PAQR3: variants seen among roughly 807,000 people sequenced by gnomAD.
PAQR3 encodes the protein progestin and adipoQ receptor family member 3.
PAQR3 carries 39 observed loss-of-function variants against 41.7 expected under a neutral mutation model. The observed-to-expected ratio is 0.93, with a 90% CI of 0.72 to 1.22. The LOEUF is 1.22. Ranked by LOEUF, PAQR3 falls within the 50% of genes most tolerant of loss-of-function variation. PAQR3 has a pLI of 0.00. For synonymous variants in PAQR3, 140 were observed against 140.6 expected, an observed-to-expected ratio of 1.00 and a Z score of 0.03; for missense variants, 366 against 385.6, an observed-to-expected ratio of 0.95 and a Z score of 0.42.
rs1030534749 is a variant in PAQR3 at position 78,920,766 on chromosome 4, G to A, written c.794-85C>T. 18 of 1,429,094 alleles carry A rather than the reference G, an allele frequency of 1.3e-5. 1 individual carries two copies. In the South Asian group the frequency reaches 2.6e-4, roughly 21 times the overall value. 88.5% of individuals were successfully genotyped at this position (1,429,094 alleles called of 1,614,324 possible). ...ATATATTTCTTGGAAGTATAGCTTA[G>A]CAGAAAAATTTTCATAGTCTCAGAG... On this transcript the variant is annotated intron_variant, in intron 5 of 5. Coordinates refer to ENST00000512733, the MANE Select transcript of PAQR3 (RefSeq NM_001040202.2).
chr4:78,901,241 T>G (rs886804539), intron 11 of PAQR3, among the ~76,000 whole-genome samples: 5 of 149,988 alleles, frequency 3.3e-5, no homozygotes, highest in South Asian at 4.2e-4. Flanking sequence ...TTTTTTTTTT[T>G]GTAGAGACTA....
At chr4:78,898,705 A>G (rs1011005851) in intron 11 of PAQR3, 12 of 151,764 alleles carry the variant, frequency 7.9e-5, no homozygotes, top group African/African-American at 2.9e-4. Context: ...CTGCAACAAA[A>G]TGACTACAGA....
chr4:78,928,105 T>C (rs1736431452), intron 3 of PAQR3, among the ~76,000 whole-genome samples: 1 of 152,236 alleles, frequency 6.6e-6, no homozygotes, highest in Non-Finnish European at 1.5e-5. Flanking sequence ...CTTTTAGTTT[T>C]TCTGGTAAGA....
At chr4:78,901,854 T>C (rs1734025009) in intron 11 of PAQR3, among the ~76,000 whole-genome samples, 1 of 152,218 alleles carries the variant, frequency 6.6e-6, no homozygotes, top group African/African-American at 2.4e-5. Context: ...TTAGATTTCT[T>C]ATATTGCATT....
intron 11 of PAQR3, among the ~76,000 whole-genome samples, chr4:78,904,224 G>C (rs1734169181): frequency 6.6e-6 from 1 of 151,886 alleles, no homozygotes; most frequent in South Asian, 2.1e-4. Context: ...TGGTTAATAA[G>C]ATTGAAGAGA....
chr4:78,908,140 T>C (rs1341402816), downstream of PAQR3, among the ~76,000 whole-genome samples: 1 of 152,212 alleles, frequency 6.6e-6, no homozygotes, highest in African/African-American at 2.4e-5. Context: ...AGCATGTAGC[T>C]CTTGGCTGGT....
At chr4:78,932,363 C>T (rs1736991391) in intron 2 of PAQR3, among the ~76,000 whole-genome samples, 1 of 152,056 alleles carries the variant, frequency 6.6e-6, no homozygotes, top group Non-Finnish European at 1.5e-5. Context: ...ATCAGGAGAA[C>T]ATAAAAGTGT....
intron 4 of PAQR3, among the ~76,000 whole-genome samples, 158 bp from the exon 5 acceptor site, chr4:78,924,105 CT>C (rs1176130204): frequency 6.6e-6 from 1 of 152,096 alleles, no homozygotes; most frequent in Non-Finnish European, 1.5e-5. Flanking sequence ...AGGAAGCAGC[CT>C]GCAAGAATGG....
At chr4:78,911,814 C>T (rs754236974), downstream of PAQR3, 10 of 1,613,796 alleles carry the variant, frequency 6.2e-6, no homozygotes, top group Admixed American at 3.3e-5. Context: ...AGGGCCTGAG[C>T]GACATCCGTG....
chr4:78,906,211 C>A (rs914741025), intron 10 of PAQR3: 3 of 152,046 alleles, frequency 2.0e-5, no homozygotes, highest in African/African-American at 4.8e-5. Flanking sequence ...TTTCAGAGAG[C>A]CTCATTACTG....
downstream of PAQR3, chr4:78,910,937 A>G (rs193235646): frequency 1.3e-5 from 21 of 1,613,820 alleles, no homozygotes; most frequent in Non-Finnish European, 1.8e-5. Context: ...GAGGAAGAAG[A>G]GGAGAAACAT....
At chr4:78,909,191 A>G (rs575461533), downstream of PAQR3, among the ~76,000 whole-genome samples, 1 of 151,126 alleles carries the variant, frequency 6.6e-6, no homozygotes, top group Non-Finnish European at 1.5e-5. Flanking sequence ...GCACCTGCCA[A>G]CATGCCTGGC....
Position 78,911,884 on chromosome 4 carries a change from C to A in PAQR3, c.*8655G>T. 1 of 1,613,938 alleles carries A rather than the reference C, an allele frequency of 6.2e-7. No individual in the cohort carries two copies. Among genetic ancestry groups the A allele is most frequent in the Non-Finnish European group, 8.5e-7 (1 of 1,179,882 alleles). ...ACAAAATTCACTACATGGGTCATTC[C>A]ATAGTGCAGATGTATTGAAAATGGA... On this transcript the variant is annotated 3_prime_UTR_variant, in exon 6 of 6. Transcript: ENST00000512733.
At chr4:78,907,149 A>T (rs944442117), downstream of PAQR3, among the ~76,000 whole-genome samples, 3 of 152,196 alleles carry the variant, frequency 2.0e-5, no homozygotes, top group African/African-American at 4.8e-5. Context: ...TCATATTTCT[A>T]TCAGAATAAA....
downstream of PAQR3, among the ~76,000 whole-genome samples, chr4:78,908,083 G>A (rs1260744910): frequency 6.6e-6 from 1 of 151,926 alleles, no homozygotes; most frequent in Non-Finnish European, 1.5e-5. Flanking sequence ...AGTCAAACTT[G>A]AGAATCTGCA....
chr4:78,887,233 A>G, exon 13 of PAQR3: 1 of 1,611,956 alleles, frequency 6.2e-7, no homozygotes, highest in South Asian at 1.1e-5. Flanking sequence ...TGCTCCACAT[A>G]ACCATCCTCC....
Position 78,916,536 on chromosome 4 carries a change from G to T in PAQR3, c.*4003C>A, listed in dbSNP as rs1222121057. ...GATCCCTATTCTTAAGGAGCTCAGA[G>T]TTTACAATTTAGGTAAGAAAACCCA... On this transcript the variant is annotated 3_prime_UTR_variant, in exon 6 of 6. Coordinates refer to ENST00000512733, the MANE Select transcript of PAQR3 (RefSeq NM_001040202.2). The T allele has an allele frequency of 6.6e-6, 1 of 151,818 alleles. No homozygotes were observed. The highest frequency in any genetic ancestry group is 1.5e-5 in the Non-Finnish European group (1 of 67,838). 9.4% of individuals were successfully genotyped at this position (151,818 alleles called of 1,614,324 possible).
At chr4:78,910,392 A>G (rs1032697601), downstream of PAQR3, among the ~76,000 whole-genome samples, 2 of 152,228 alleles carry the variant, frequency 1.3e-5, no homozygotes, top group Admixed American at 6.5e-5. Context: ...TGTAGGGTCC[A>G]GATATGAATA....
intron 5 of PAQR3, chr4:78,922,323 G>A (rs1375327469): frequency 7.8e-7 from 1 of 1,286,976 alleles, no homozygotes; most frequent in Non-Finnish European, 1.0e-6. Flanking sequence ...GAGGATCTGT[G>A]GGATGGATTG....
Sources: gnomAD v4.1 joint callset for allele counts (sites outside exome capture counted in the v4.1 genomes callset) on GRCh38, gnomAD v4.1.1 for gene constraint, MANE v1.5 for transcripts, NCBI Gene and HGNC (gene_info 2026-07-23, HGNC 2026-07-21) for gene names.